Variants in CDKAL1 observed in about 807,000 individuals in gnomAD.
CDKAL1 encodes threonylcarbamoyladenosine tRNA methylthiotransferase.
A neutral mutation model predicts 68.2 loss-of-function variants in CDKAL1; 32 were observed. That is an observed-to-expected ratio of 0.47 (90% CI 0.35 to 0.63). The LOEUF (loss-of-function observed/expected upper bound fraction) is 0.63. CDKAL1 is among the 30% of genes least tolerant of loss of function. The probability of loss-of-function intolerance (pLI) is 0.00; values close to 1 mark genes in which losing one functional copy is unlikely to be tolerated. For missense variants in CDKAL1, 606 were observed against 696.7 expected, an observed-to-expected ratio of 0.87 and a Z score of 1.47; for synonymous variants, 234 against 244.3, an observed-to-expected ratio of 0.96 and a Z score of 0.39.
chr6:20,575,373 G>T (rs182413788), intron 4 of CDKAL1, among the ~76,000 whole-genome samples: 63 of 150,128 alleles, frequency 4.2e-4, no homozygotes, highest in African/African-American at 1.5e-3. Context: ...ATGTCTGCGG[G>T]GACCATCTGC....
intron 11 of CDKAL1, among the ~76,000 whole-genome samples, chr6:21,042,481 C>T (rs1461787093): frequency 6.6e-6 from 1 of 152,132 alleles, no homozygotes; most frequent in Non-Finnish European, 1.5e-5. Flanking sequence ...ACAGCCTCTC[C>T]TTCCAGTCAC....
intron 9 of CDKAL1, among the ~76,000 whole-genome samples, chr6:20,859,511 C>T (rs575153140): frequency 6.6e-5 from 10 of 152,312 alleles, no homozygotes; most frequent in Admixed American, 2.0e-4. Flanking sequence ...AGAGAGGTGA[C>T]TCCCCAAGCT....
chr6:20,625,950 A>AT (rs1380161052), intron 4 of CDKAL1, among the ~76,000 whole-genome samples: 3 of 152,104 alleles, frequency 2.0e-5, no homozygotes, highest in Non-Finnish European at 4.4e-5. Flanking sequence ...CTTTCTTGTG[A>AT]TCCCCCCATC....
intron 4 of CDKAL1, among the ~76,000 whole-genome samples, chr6:20,588,464 A>G (rs1344045071): frequency 3.9e-5 from 6 of 152,300 alleles, no homozygotes; most frequent in African/African-American, 1.2e-4. Context: ...TTTGATCTCT[A>G]TGTCCATGGA....
At chr6:20,586,890 G>A (rs773770672) in intron 4 of CDKAL1, among the ~76,000 whole-genome samples, 11 of 150,246 alleles carry the variant, frequency 7.3e-5, no homozygotes, top group Admixed American at 2.0e-4. Flanking sequence ...TACCACTGCC[G>A]CCCTCATTTT....
intron 4 of CDKAL1, among the ~76,000 whole-genome samples, chr6:20,583,150 G>C (rs1014382080): frequency 7.2e-5 from 11 of 152,116 alleles, no homozygotes; most frequent in Admixed American, 2.6e-4. Context: ...TGGTAGATAG[G>C]TTCTATTTAA....
intron 10 of CDKAL1, among the ~76,000 whole-genome samples, chr6:20,963,496 G>A (rs1275565571): frequency 2.0e-5 from 3 of 152,066 alleles, no homozygotes; most frequent in Non-Finnish European, 4.4e-5. Context: ...TCCTACTACT[G>A]AGCCTTTGTT....
intron 9 of CDKAL1, among the ~76,000 whole-genome samples, chr6:20,862,202 T>C (rs909292976): frequency 3.9e-5 from 6 of 152,178 alleles, no homozygotes; most frequent in African/African-American, 1.4e-4. Context: ...CAGAGAAAGC[T>C]AAAAATCACA....
chr6:20,976,779 A>G (rs1765865215), intron 10 of CDKAL1, among the ~76,000 whole-genome samples: 2 of 152,276 alleles, frequency 1.3e-5, no homozygotes, highest in South Asian at 2.1e-4. Context: ...TTTGAATTTG[A>G]TTTATTTTGC....
intron 6 of CDKAL1, among the ~76,000 whole-genome samples, chr6:20,746,784 T>C (rs1175774170): frequency 2.6e-5 from 4 of 152,238 alleles, no homozygotes; most frequent in African/African-American, 7.2e-5. Context: ...TATATATACA[T>C]AGTGAAATGA....
At chr6:20,756,856 CT>C (rs1561750043) in intron 6 of CDKAL1, 43 of 36,596 alleles carry the variant, frequency 1.2e-3, no homozygotes, top group African/African-American at 5.6e-3. Flanking sequence ...TCCTTCTCCC[CT>C]TCCTTCCTTC....
intron 14 of CDKAL1, chr6:21,200,741 T>TGCCCAGGG (rs1446760396): frequency 4.9e-5 from 8 of 161,794 alleles, no homozygotes; most frequent in Admixed American, 1.8e-4. Context: ...GGAAAAGCAC[T>TGCCCAGGG]GCCCAGGGGC....
chr6:20,771,990 T>TAGCAGTGCATAAAATTGAAGC (rs1250856648), intron 7 of CDKAL1, among the ~76,000 whole-genome samples: 5 of 152,200 alleles, frequency 3.3e-5, no homozygotes, highest in Non-Finnish European at 5.9e-5. Flanking sequence ...ATGGCCTATA[T>TAGCAGTGCATAAAATTGAAGC]TCAGTGGGAC....
At chr6:20,954,287 T>G (rs896299911) in intron 9 of CDKAL1, among the ~76,000 whole-genome samples, 1 of 152,208 alleles carries the variant, frequency 6.6e-6, no homozygotes, top group African/African-American at 2.4e-5. Context: ...AAAAGCCATG[T>G]GTTTTATTTG....
At position 21,015,068 on chromosome 6, in the gene CDKAL1, A is replaced by T. The variant is rs1213931241; in HGVS notation, c.1055+14696A>T. Reference sequence around the variant, plus strand: ...ACCATCTAGGGCATATCTTTCTCCCACTGCTTCTATTAACAATCCCAGGTG... The same window carrying T: ...ACCATCTAGGGCATATCTTTCTCCCTCTGCTTCTATTAACAATCCCAGGTG... On this transcript the variant is annotated intron_variant, in intron 11 of 15. Coordinates refer to ENST00000274695, the MANE Select transcript of CDKAL1 (RefSeq NM_017774.3). 6.6e-5 allele frequency among the ~76,000 whole-genome samples: 10 copies of T among 152,286 alleles called. No homozygotes were observed. The South Asian group carries it at 1.7e-3, about 25-fold the overall frequency.
chr6:20,908,236 A>G (rs554242647), intron 9 of CDKAL1, among the ~76,000 whole-genome samples: 152 of 152,286 alleles, frequency 1.0e-3, no homozygotes, highest in African/African-American at 3.6e-3. Context: ...ATGGAGACAA[A>G]AGAAAGGTTA....
chr6:20,677,867 GT>G (rs1770190007), intron 5 of CDKAL1, among the ~76,000 whole-genome samples: 1 of 151,998 alleles, frequency 6.6e-6, no homozygotes, highest in African/African-American at 2.4e-5. Flanking sequence ...TCTAATTTAG[GT>G]TTTTATTTCT....
intron 8 of CDKAL1, among the ~76,000 whole-genome samples, chr6:20,791,631 G>A (rs1775903100): frequency 1.3e-5 from 2 of 152,150 alleles, no homozygotes; most frequent in Non-Finnish European, 2.9e-5. Context: ...TGGGGCTAAT[G>A]TAGTGAGTCT....
intron 12 of CDKAL1, among the ~76,000 whole-genome samples, chr6:21,099,563 C>A (rs1173220495): frequency 6.6e-6 from 1 of 151,920 alleles, no homozygotes; most frequent in Admixed American, 6.6e-5. Flanking sequence ...CACAGGTAGT[C>A]CAGGAAAGAA....
Sources: allele counts gnomAD v4.1 joint callset (sites outside exome capture counted in the v4.1 genomes callset), GRCh38; gene constraint gnomAD v4.1.1; transcripts MANE v1.5; gene names NCBI Gene and HGNC (gene_info 2026-07-23, HGNC 2026-07-21).